ST8SIA1: variants seen among roughly 807,000 people sequenced by gnomAD.
ST8SIA1 encodes alpha-N-acetylneuraminide alpha-2,8-sialyltransferase.
Under a neutral mutation model 35.9 loss-of-function variants are expected in ST8SIA1, and 16 were observed. That is an observed-to-expected ratio of 0.45 (90% CI 0.30 to 0.68). ST8SIA1 has a LOEUF of 0.68. ST8SIA1 is among the 30% of genes least tolerant of loss of function. The probability of loss-of-function intolerance (pLI) is 0.09; values close to 1 mark genes in which losing one functional copy is unlikely to be tolerated. For synonymous variants in ST8SIA1, 170 were observed against 169.6 expected, an observed-to-expected ratio of 1.00 and a Z score of -0.02; for missense variants, 383 against 453.6, an observed-to-expected ratio of 0.84 and a Z score of 1.41.
chr12:22,305,101 G>C (rs948965801), intron 1 of ST8SIA1, among the ~76,000 whole-genome samples: 1 of 152,112 alleles, frequency 6.6e-6, no homozygotes, highest in African/African-American at 2.4e-5. Context: ...GAGGTCTTAG[G>C]AATCTATAAA....
Position 22,334,233 on chromosome 12 carries a change from C to T in ST8SIA1, c.-1G>A, listed in dbSNP as rs775862544. On this transcript the variant is annotated 5_prime_UTR_variant, in exon 1 of 5. Transcript: ENST00000396037. ...GCCGGGCCCGCCCGCAGGGGCTCAT[C>T]GCAGCCCCGGCGTCCCAGGGGCGGG... 2 of 1,609,262 alleles carry T rather than the reference C, an allele frequency of 1.2e-6. No homozygotes were observed. Among genetic ancestry groups the T allele is most frequent in the Admixed American group, 1.7e-5 (1 of 59,820 alleles).
intron 1 of ST8SIA1, among the ~76,000 whole-genome samples, chr12:22,321,035 AGAAAGAG>A (rs1257470186): frequency 0.12 from 10,650 of 89,760 alleles, 822 homozygotes; most frequent in Middle Eastern, 0.23. Flanking sequence ...AGAAAGAAAG[AGAAAGAG>A]AAAGAAAAGA....
At chr12:22,260,071 C>G (rs927021638) in intron 2 of ST8SIA1, among the ~76,000 whole-genome samples, 2 of 151,958 alleles carry the variant, frequency 1.3e-5, no homozygotes, top group Non-Finnish European at 2.9e-5. Flanking sequence ...CTATAACACT[C>G]TTGCTAACCT....
chr12:22,283,492 T>C (rs1378898857), intron 2 of ST8SIA1, among the ~76,000 whole-genome samples: 2 of 152,054 alleles, frequency 1.3e-5, no homozygotes, highest in Non-Finnish European at 2.9e-5. Flanking sequence ...ACCCAGGGGA[T>C]TGGGAGCAGC....
chr12:22,252,308 G>A (rs903919824), intron 3 of ST8SIA1, among the ~76,000 whole-genome samples: 2 of 152,024 alleles, frequency 1.3e-5, no homozygotes, highest in Non-Finnish European at 2.9e-5. Context: ...CCAGACATAC[G>A]ACATGCTTTC....
rs975510624 is a variant in ST8SIA1, at chr12:22,200,019, A to G, written c.*1533T>C. On this transcript the variant is annotated 3_prime_UTR_variant, in exon 5 of 5. Transcript: ENST00000396037. ...TGTCAGTAGAGTTTTCTTACTGTGTATCAAAGCTGTTGTAACAAGCTAAGT... is the reference window on the plus strand; with the variant it reads ...TGTCAGTAGAGTTTTCTTACTGTGTGTCAAAGCTGTTGTAACAAGCTAAGT... 3 of 152,232 alleles carry G rather than the reference A, an allele frequency of 2.0e-5. No homozygotes were observed. Among genetic ancestry groups the G allele is most frequent in the Middle Eastern group, 3.2e-3 (1 of 316 alleles). 9.4% of individuals were successfully genotyped at this position (152,232 alleles called of 1,614,324 possible).
chr12:22,315,095 C>T (rs1866500731), intron 1 of ST8SIA1, among the ~76,000 whole-genome samples: 1 of 152,168 alleles, frequency 6.6e-6, no homozygotes. Context: ...ATTTAATTGT[C>T]TGACCCACTA....
At position 22,196,791 on chromosome 12, in the gene ST8SIA1, A is replaced by T. The variant is rs1267459786; in HGVS notation, c.*4761T>A. On this transcript the variant is annotated 3_prime_UTR_variant, in exon 5 of 5. Coordinates refer to ENST00000396037, the MANE Select transcript of ST8SIA1 (RefSeq NM_003034.4). ...CACAAAACACCCACATTTAGACAGC[A>T]CGAGTTTAAGCAAAAACAAAACAGT... The T allele has an allele frequency of 1.3e-5, 2 of 152,252 alleles. No individual in the cohort carries two copies. The highest frequency in any genetic ancestry group is 3.8e-4 in the East Asian group (2 of 5,196). 9.4% of individuals were successfully genotyped at this position (152,252 alleles called of 1,614,324 possible). A position where few individuals can be genotyped will look rare whatever the true frequency, so the allele number is the denominator to read the frequency against.
chr12:22,289,911 C>T (rs769052452), intron 1 of ST8SIA1, among the ~76,000 whole-genome samples: 6 of 152,296 alleles, frequency 3.9e-5, no homozygotes, highest in African/African-American at 4.8e-5. Flanking sequence ...GTGAAACTGA[C>T]GCTGAGACCC....
At chr12:22,288,522 G>C (rs551327481) in intron 1 of ST8SIA1, among the ~76,000 whole-genome samples, 1 of 152,302 alleles carries the variant, frequency 6.6e-6, no homozygotes, top group South Asian at 2.1e-4. Flanking sequence ...TAGTCAGTAA[G>C]GCTGCAGCTG....
At chr12:22,282,855 T>C (rs761827515) in intron 2 of ST8SIA1, among the ~76,000 whole-genome samples, 23 of 151,960 alleles carry the variant, frequency 1.5e-4, no homozygotes, top group Non-Finnish European at 1.9e-4. Flanking sequence ...TACAATAATA[T>C]GAATAAGTGG....
chr12:22,288,846 C>T (rs1450411769), intron 1 of ST8SIA1, among the ~76,000 whole-genome samples: 1 of 152,164 alleles, frequency 6.6e-6, no homozygotes, highest in Admixed American at 6.5e-5. Context: ...TGTTTTGCCA[C>T]CCAAAAGGTG....
At chr12:22,244,556 A>C (rs1308291466) in intron 4 of ST8SIA1, among the ~76,000 whole-genome samples, 1 of 152,090 alleles carries the variant, frequency 6.6e-6, no homozygotes, top group Non-Finnish European at 1.5e-5. Context: ...TCCTGTACTC[A>C]AGCAATTCTC....
At chr12:22,326,747 A>AT (rs1866687096) in intron 1 of ST8SIA1, among the ~76,000 whole-genome samples, 1 of 152,092 alleles carries the variant, frequency 6.6e-6, no homozygotes, top group African/African-American at 2.4e-5. Context: ...CATTATACTC[A>AT]TTTTTCAGAT....
chr12:22,267,105 CAGT>C (rs1865858352), intron 2 of ST8SIA1, among the ~76,000 whole-genome samples: 1 of 152,088 alleles, frequency 6.6e-6, no homozygotes, highest in Non-Finnish European at 1.5e-5. Context: ...AACCATATAC[CAGT>C]CACTGTATGA....
intron 4 of ST8SIA1, among the ~76,000 whole-genome samples, chr12:22,208,267 A>T (rs1591823944): frequency 2.6e-5 from 4 of 152,158 alleles, no homozygotes; most frequent in Admixed American, 1.3e-4. Context: ...CATTAGAAAA[A>T]TTTTTTAAAC....
At chr12:22,216,587 T>C (rs1214122666) in intron 4 of ST8SIA1, among the ~76,000 whole-genome samples, 1 of 152,200 alleles carries the variant, frequency 6.6e-6, no homozygotes, top group East Asian at 1.9e-4. Context: ...TGTTCTCTTA[T>C]CACTTTATTT....
chr12:22,278,779 T>C (rs1233842925), intron 2 of ST8SIA1, among the ~76,000 whole-genome samples: 1 of 150,344 alleles, frequency 6.7e-6, no homozygotes, highest in African/African-American at 2.5e-5. Context: ...ACAGGAAAAA[T>C]AAAACTTGGC....
At chr12:22,318,314 G>A (rs956052718) in intron 1 of ST8SIA1, among the ~76,000 whole-genome samples, 10 of 152,144 alleles carry the variant, frequency 6.6e-5, no homozygotes, top group South Asian at 2.1e-4. Flanking sequence ...TTTTGGGTGC[G>A]CAGAAGTCTC....
Sources: allele counts gnomAD v4.1 joint callset (sites outside exome capture counted in the v4.1 genomes callset), GRCh38; gene constraint gnomAD v4.1.1; transcripts MANE v1.5; gene names NCBI Gene and HGNC (gene_info 2026-07-23, HGNC 2026-07-21).